ZGRF1: variants seen among roughly 807,000 people sequenced by gnomAD.
ZGRF1 encodes the protein 5'-3' DNA helicase ZGRF1.
A neutral mutation model predicts 203.5 loss-of-function variants in ZGRF1; 196 were observed. That is an observed-to-expected ratio of 0.96 (90% CI 0.86 to 1.08). The LOEUF (loss-of-function observed/expected upper bound fraction) is 1.08. Among genes scored for constraint, ZGRF1 ranks in the 50% least tolerant of loss-of-function variants. The pLI is 0.00. For missense variants in ZGRF1, 2,326 were observed against 2,416.3 expected (o/e 0.96, Z 0.78); for synonymous variants, 809 against 841.3 (o/e 0.96, Z 0.66).
At chr4:112,576,802 T>C (rs1165622241) in intron 16 of ZGRF1, among the ~76,000 whole-genome samples, 1 of 152,078 alleles carries the variant, frequency 6.6e-6, no homozygotes, top group African/African-American at 2.4e-5. Flanking sequence ...CTACGTCTGA[T>C]TGGTGTACCT....
chr4:112,621,126 C>T (rs933358186), intron 4 of ZGRF1, among the ~76,000 whole-genome samples: 4 of 152,096 alleles, frequency 2.6e-5, no homozygotes, highest in African/African-American at 9.7e-5. Context: ...CAAACAAGAA[C>T]AAAATGCCCC....
rs1478755240 is a variant in ZGRF1 at position 112,619,611 on chromosome 4, T to C, written c.431A>G (p.Lys144Arg). Residue 144 changes from lysine (K) to arginine (R), a missense_variant, in exon 6 of 28, where the codon AAG becomes AGG. Coordinates refer to ENST00000505019, the MANE Select transcript of ZGRF1 (RefSeq NM_018392.5). ...SGESAASHEA[K>R]KTGPTIFSPF... is the part of the protein sequence containing the mutation. ...AGAAAAAATAGTAGGGCCAGTTTTC[T>C]TAGCCTCATGTGATGCAGCTGATTC... The C allele has an allele frequency of 2.5e-6, 4 of 1,613,956 alleles. No individual in the cohort carries two copies. The highest frequency in any genetic ancestry group is 3.4e-6 in the Non-Finnish European group (4 of 1,179,976).
chr4:112,583,914 G>A, intron 15 of ZGRF1, 64 bp downstream of exon 15: 2 of 1,036,214 alleles, frequency 1.9e-6, no homozygotes, highest in Non-Finnish European at 2.8e-6. Context: ...ACTGATGATA[G>A]TTCTGTGAAG....
intron 16 of ZGRF1, among the ~76,000 whole-genome samples, chr4:112,575,356 A>G (rs1744965864): frequency 2.0e-5 from 3 of 152,188 alleles, no homozygotes; most frequent in Non-Finnish European, 4.4e-5. Context: ...TGAGCAATGC[A>G]GAAGACGGGT....
chr4:112,601,189 T>C (rs987894986), intron 10 of ZGRF1, among the ~76,000 whole-genome samples: 2 of 151,132 alleles, frequency 1.3e-5, no homozygotes, highest in African/African-American at 4.9e-5. Flanking sequence ...GGCAGGAAGA[T>C]CGTTTGAGCC....
At chr4:112,571,192 T>A (rs542182782) in intron 16 of ZGRF1, among the ~76,000 whole-genome samples, 1 of 150,756 alleles carries the variant, frequency 6.6e-6, no homozygotes, top group South Asian at 2.1e-4. Flanking sequence ...ATTAGCTAAG[T>A]ATCAAGCTTA....
chr4:112,587,402 G>A lies in ZGRF1; in HGVS notation c.3655C>T (p.Gln1219Ter), dbSNP rs779609650. The A allele has an allele frequency of 9.8e-5, 158 of 1,613,778 alleles. No homozygotes were observed. Among genetic ancestry groups the A allele is most frequent in the Non-Finnish European group, 1.3e-4 (149 of 1,179,870 alleles). ...ACTTTCTTTCTGGAAACCGAATCTT[G>A]ACTGCTAAAATCCTGCCGCTGTTGA... ...LYQQRQDFSS[Q>*]DSVSRKKVLS... Residue 1219 changes from glutamine to a stop codon, truncating the protein, a stop_gained, in exon 12 of 28, where the codon CAA becomes TAA. Transcript: ENST00000505019. LOFTEE classifies it high-confidence loss of function.
At chr4:112,563,318 T>C (rs1447662992) in intron 16 of ZGRF1, 44 bp from the exon 17 acceptor site, 8 of 1,392,350 alleles carry the variant, frequency 5.7e-6, no homozygotes, top group South Asian at 1.4e-5. Flanking sequence ...ACATATACAG[T>C]ATGGTTTTAT....
chr4:112,594,483 C>T (rs1363227126), intron 10 of ZGRF1, among the ~76,000 whole-genome samples: 3 of 149,430 alleles, frequency 2.0e-5, no homozygotes, highest in Non-Finnish European at 4.4e-5. Flanking sequence ...GACAGACACT[C>T]GCTCTGTCAC....
intron 19 of ZGRF1, 26 bp from the exon 20 acceptor site, chr4:112,558,335 A>G (rs764012879): frequency 6.9e-7 from 1 of 1,447,854 alleles, no homozygotes; most frequent in Non-Finnish European, 9.1e-7. Flanking sequence ...GAAGAAAAAA[A>G]TAAAAAGCAT....
At chr4:112,616,912 G>GT (rs1482212269) in intron 6 of ZGRF1, among the ~76,000 whole-genome samples, 2 of 151,516 alleles carry the variant, frequency 1.3e-5, no homozygotes, top group Non-Finnish European at 2.9e-5. Context: ...GGAATTAGAG[G>GT]TATCAATATG....
At chr4:112,614,782 G>A (rs1018604102) in intron 6 of ZGRF1, among the ~76,000 whole-genome samples, 10 of 151,982 alleles carry the variant, frequency 6.6e-5, no homozygotes, top group South Asian at 4.2e-4. Flanking sequence ...AGCCAAGATC[G>A]CGCCACTGCA....
Position 112,618,352 on chromosome 4 carries a change from A to G in ZGRF1, c.1690T>C (p.Leu564=), listed in dbSNP as rs371236436. The change falls in exon 6 of 28, where the codon TTG becomes CTG. Residue 564 remains leucine (L), a synonymous_variant. Transcript: ENST00000505019. ...QDSESWVKDI[L]VNDGNSCFQK... is the part of the protein sequence containing the mutation. ...AAACATGAATTGCCATCATTAACCA[A>G]AATGTCCTTTACCCAACTCTCTGAA... is the stretch of plus-strand genomic sequence containing the variant. The G allele has an allele frequency of 8.1e-6, 13 of 1,613,794 alleles. No individual in the cohort carries two copies. In the African/African-American group the frequency reaches 1.7e-4, roughly 22 times the overall value.
At chr4:112,628,675 C>A (rs1229981003) in intron 3 of ZGRF1, 3 of 456,026 alleles carry the variant, frequency 6.6e-6, no homozygotes, top group African/African-American at 6.0e-5. Flanking sequence ...TTTCCTATAA[C>A]CTACTTGTGT....
At chr4:112,583,166 G>A (rs542962656) in intron 15 of ZGRF1, among the ~76,000 whole-genome samples, 2 of 152,294 alleles carry the variant, frequency 1.3e-5, no homozygotes, top group African/African-American at 4.8e-5. Context: ...CTAGTTAGAA[G>A]AGGGCCTGGC....
At chr4:112,564,378 A>C (rs986636356) in intron 16 of ZGRF1, among the ~76,000 whole-genome samples, 5 of 152,210 alleles carry the variant, frequency 3.3e-5, no homozygotes, top group African/African-American at 7.2e-5. Context: ...GAGAGACTAA[A>C]CTGGGCAGCG....
chr4:112,555,646 C>G lies in ZGRF1; in HGVS notation c.5121-864G>C, dbSNP rs1473739659. Reference sequence around the variant, plus strand: ...AATCTATAATAATAAGGGACGCAGTCTCCTCAAAGTACTATTCACCCCATG... The same window carrying G: ...AATCTATAATAATAAGGGACGCAGTGTCCTCAAAGTACTATTCACCCCATG... On this transcript the variant is annotated intron_variant, in intron 20 of 27. Coordinates refer to ENST00000505019, the MANE Select transcript of ZGRF1 (RefSeq NM_018392.5). Among the ~76,000 whole-genome samples the G allele has an allele frequency of 2.0e-5, 3 of 152,288 alleles. No individual in the cohort carries two copies. In the East Asian group the frequency reaches 5.8e-4, roughly 29 times the overall value.
rs1746713566 is a variant in ZGRF1 at position 112,583,984 on chromosome 4, A to G, written c.4292T>C (p.Leu1431Ser). 6.3e-7 allele frequency: 1 copy of G among 1,597,740 alleles called. No individual in the cohort carries two copies. Among genetic ancestry groups the G allele is most frequent in the Admixed American group, 1.8e-5 (1 of 56,474 alleles). ...KIPLYEECQL[L>S]VRKGFDFQRK... The stretch of plus-strand genomic sequence containing the variant: ...TTGGTACTATAAAACATACCTCACC[A>G]AAAGCTGGCATTCCTCATAAAGTGG... The change falls in exon 15 of 28, where the codon TTG becomes TCG. Residue 1431 changes from leucine to serine, a missense_variant. Coordinates refer to ENST00000505019, the MANE Select transcript of ZGRF1 (RefSeq NM_018392.5).
intron 27 of ZGRF1, 24 bp downstream of exon 27, chr4:112,539,839 G>T: frequency 6.2e-7 from 1 of 1,610,750 alleles, no homozygotes; most frequent in Non-Finnish European, 8.5e-7. Flanking sequence ...TGAAATGCAT[G>T]AATTAAACCC....
Sources: allele counts gnomAD v4.1 joint callset (sites outside exome capture counted in the v4.1 genomes callset), GRCh38; gene constraint gnomAD v4.1.1; transcripts MANE v1.5; gene names NCBI Gene and HGNC (gene_info 2026-07-23, HGNC 2026-07-21).